Variants in TRIM67 observed in about 807,000 individuals in gnomAD.
TRIM67 encodes tripartite motif containing 67, also known as tripartite motif-containing protein 67.
Under a neutral mutation model 71.0 loss-of-function variants are expected in TRIM67, and 39 were observed. The observed-to-expected ratio is 0.55, with a 90% CI of 0.43 to 0.72. The LOEUF (loss-of-function observed/expected upper bound fraction) is 0.72. Among genes scored for constraint, TRIM67 ranks in the 30% least tolerant of loss-of-function variants. TRIM67 has a pLI of 0.00. For missense variants in TRIM67, 973 were observed against 1,079.2 expected, an observed-to-expected ratio of 0.90 and a Z score of 1.38; for synonymous variants, 481 against 473.9, an observed-to-expected ratio of 1.01 and a Z score of -0.19.
chr1:231,175,742 C>T (rs1294064000), intron 1 of TRIM67, among the ~76,000 whole-genome samples: 2 of 152,230 alleles, frequency 1.3e-5, no homozygotes, highest in Non-Finnish European at 2.9e-5. Context: ...CAGTGCCTCA[C>T]TTACAAGATG....
At chr1:231,179,345 C>G (rs1334357375) in intron 1 of TRIM67, among the ~76,000 whole-genome samples, 1 of 152,238 alleles carries the variant, frequency 6.6e-6, no homozygotes, top group Non-Finnish European at 1.5e-5. Flanking sequence ...AGAGCCCATT[C>G]TACTCCAGTG....
Position 231,199,070 on chromosome 1 carries a change from C to T in TRIM67, c.1164C>T (p.Ala388=), listed in dbSNP as rs1683450865. Residue 388 remains alanine (A), a synonymous_variant, in exon 3 of 10, where the codon GCC becomes GCT. Transcript: ENST00000366653. The stretch of plus-strand genomic sequence containing the variant: ...AGGAAAACGGACTGGACTACGAAGC[C>T]TGCCTCGTTGCTCAGTGTGATGCCC... ...QIQENGLDYE[A]CLVAQCDALV... 1.2e-6 allele frequency: 2 copies of T among 1,613,990 alleles called. No homozygotes were observed. Among genetic ancestry groups the T allele is most frequent in the Non-Finnish European group, 1.7e-6 (2 of 1,179,888 alleles).
Position 231,163,373 on chromosome 1 carries a change from C to T in TRIM67, c.404C>T (p.Pro135Leu). ...VRVLPMVPAPPGSSAAAARGA... is the reference protein window; with the variant it reads ...VRVLPMVPAPLGSSAAAARGA... ...GTGCTGCCCATGGTGCCCGCACCAC[C>T]CGGCTCCTCGGCTGCGGCGGCTCGG... is the stretch of plus-strand genomic sequence containing the variant. The change falls in exon 1 of 10, where the codon CCC (proline) becomes CTC (leucine). Residue 135 changes from proline (P) to leucine (L), a missense_variant. By Grantham distance (98) the Pro-to-Leu change is moderately conservative. Around this residue, in one of 2 missense-constraint regions of TRIM67, gnomAD observed 795 missense variants for 831.3 expected, o/e 0.96. Transcript: ENST00000366653. 6.5e-7 allele frequency: 1 copy of T among 1,535,686 alleles called. No individual in the cohort carries two copies.
chr1:231,199,328 G>A (rs1252338792), intron 3 of TRIM67, among the ~76,000 whole-genome samples, 159 bp downstream of exon 3: 5 of 152,150 alleles, frequency 3.3e-5, no homozygotes, highest in South Asian at 2.1e-4. Context: ...CAGCTGGTTC[G>A]GTTACATTCA....
At chr1:231,214,029 C>T in intron 9 of TRIM67, 52 bp downstream of exon 9, 1 of 1,545,392 alleles carries the variant, frequency 6.5e-7, no homozygotes, top group Non-Finnish European at 8.7e-7. Flanking sequence ...AACTGTTTGC[C>T]ACAGGTCTCT....
chr1:231,185,959 A>G, intron 1 of TRIM67: 1 of 799,814 alleles, frequency 1.3e-6, no homozygotes, highest in East Asian at 2.7e-5. Flanking sequence ...GACAGCCGGG[A>G]CAAGGGCTCA....
chr1:231,216,030 G>A lies in TRIM67; in HGVS notation c.*590G>A. On this transcript the variant is annotated 3_prime_UTR_variant, in exon 10 of 10. Transcript: ENST00000366653. The stretch of plus-strand genomic sequence containing the variant: ...ATAGAAAGGGACATTAATCATTCAT[G>A]CTTGACTTTTGCCTCTCTCACTGAA... 1.0e-6 allele frequency: 1 copy of A among 985,500 alleles called. No homozygotes were observed. Among genetic ancestry groups the A allele is most frequent in the Non-Finnish European group, 1.2e-6 (1 of 829,998 alleles). 61.0% of individuals were successfully genotyped at this position (985,500 alleles called of 1,614,324 possible).
chr1:231,200,112 A>G (rs769245428), intron 3 of TRIM67, 36 bp from the exon 4 acceptor site: 9 of 1,518,562 alleles, frequency 5.9e-6, no homozygotes, highest in Non-Finnish European at 8.2e-6. Flanking sequence ...TCTTCCTCTC[A>G]TGAGACAGTT....
At chr1:231,180,320 T>TAC (rs753677529) in intron 1 of TRIM67, among the ~76,000 whole-genome samples, 1 of 152,348 alleles carries the variant, frequency 6.6e-6, no homozygotes, top group Non-Finnish European at 1.5e-5. Context: ...TTCTTGTATA[T>TAC]ACATCTTTGC....
chr1:231,211,247 G>C (rs1683861749), intron 8 of TRIM67, among the ~76,000 whole-genome samples: 1 of 151,980 alleles, frequency 6.6e-6, no homozygotes, highest in South Asian at 2.1e-4. Context: ...CACTTCTTGG[G>C]CCTTTGCTGT....
chr1:231,181,689 A>T (rs1425397402), intron 1 of TRIM67, among the ~76,000 whole-genome samples: 1 of 151,790 alleles, frequency 6.6e-6, no homozygotes, highest in South Asian at 2.1e-4. Context: ...TTTAGACTTG[A>T]TTTTTTTTCG....
Position 231,209,188 on chromosome 1 carries a change from C to T in TRIM67, c.2061C>T (p.Ala687=). ...KDMMLGKDDK[A]WAMYVDNNRS... The stretch of plus-strand genomic sequence containing the variant: ...TGATGCTGGGCAAGGATGACAAGGC[C>T]TGGGCCATGTATGTGGACAACAACC... Residue 687 remains alanine, a synonymous_variant, in exon 8 of 10, where the codon GCC becomes GCT. Coordinates refer to ENST00000366653, the MANE Select transcript of TRIM67 (RefSeq NM_001004342.5). The surrounding 1 kb of genome is among the most constrained non-coding windows in gnomAD (Gnocchi z 4.1). 6.2e-7 allele frequency: 1 copy of T among 1,606,336 alleles called. No individual in the cohort carries two copies. Among genetic ancestry groups the T allele is most frequent in the South Asian group, 1.1e-5 (1 of 90,542 alleles).
chr1:231,203,038 G>A (rs1244920795), intron 5 of TRIM67, among the ~76,000 whole-genome samples: 6 of 152,158 alleles, frequency 3.9e-5, no homozygotes, highest in East Asian at 1.9e-4. Flanking sequence ...CTACCAGCTC[G>A]TTAACTGAGG....
intron 1 of TRIM67, among the ~76,000 whole-genome samples, chr1:231,193,808 C>T (rs1683299074): frequency 6.6e-6 from 1 of 152,110 alleles, no homozygotes; most frequent in Non-Finnish European, 1.5e-5. Context: ...AGCTGCCAGG[C>T]TCTGTTTAAC....
rs1684053261 is a variant in TRIM67 at position 231,217,803 on chromosome 1, G to A, written c.*2363G>A. On this transcript the variant is annotated 3_prime_UTR_variant, in exon 10 of 10. Transcript: ENST00000366653. ...GGGCTACCCTGAACCTAACCCCTTT[G>A]AGGGAGCAGCATCCAGGTCAGGAGA... The A allele has an allele frequency of 2.3e-6, 3 of 1,289,218 alleles. No homozygotes were observed. In the South Asian group the frequency reaches 3.7e-5, roughly 16 times the overall value. 79.9% of individuals were successfully genotyped at this position (1,289,218 alleles called of 1,614,324 possible). A position where few individuals can be genotyped will look rare whatever the true frequency, so the allele number is the denominator to read the frequency against.
At chr1:231,202,071 G>GAGGTGGAGGAGGTGGAAA (rs1683545174) in intron 5 of TRIM67, among the ~76,000 whole-genome samples, 1 of 123,168 alleles carries the variant, frequency 8.1e-6, no homozygotes, top group Non-Finnish European at 1.6e-5. Flanking sequence ...GGAGATGGAG[G>GAGGTGGAGGAGGTGGAAA]AGGAGGAGGT....
intron 1 of TRIM67, among the ~76,000 whole-genome samples, chr1:231,168,517 G>C (rs1682539456): frequency 6.6e-6 from 1 of 152,116 alleles, no homozygotes. Flanking sequence ...CTTTCATAAA[G>C]ATGACACCTA....
chr1:231,200,198 C>T lies in TRIM67; in HGVS notation c.1314C>T (p.Thr438=), dbSNP rs370010177. 2.4e-5 allele frequency: 38 copies of T among 1,613,748 alleles called. No individual in the cohort carries two copies. The highest frequency in any genetic ancestry group is 4.5e-5 in the East Asian group (2 of 44,888). The stretch of plus-strand genomic sequence containing the variant: ...GCACATTGAAGCTGCGTCAGTCCAC[C>T]GGACTGATGGAGTACTGCCTGGAGG... ...NHCTLKLRQS[T]GLMEYCLEVI... Residue 438 remains threonine (T), a synonymous_variant, in exon 4 of 10, where the codon ACC becomes ACT. Coordinates refer to ENST00000366653, the MANE Select transcript of TRIM67 (RefSeq NM_001004342.5).
Position 231,209,120 on chromosome 1 carries a change from G to T in TRIM67, c.1993G>T (p.Asp665Tyr), listed in dbSNP as rs896338989. The change falls in exon 8 of 10, where the codon GAC (aspartate) becomes TAC (tyrosine). Residue 665 changes from aspartate (D) to tyrosine (Y), a missense_variant. Asp to Tyr is a radical substitution (Grantham distance 160). Transcript: ENST00000366653. This position sits in a 1 kb window ranked among gnomAD's most constrained non-coding sequence, Gnocchi z 4.1. ...CGTGGACCGGTACGACAACCACCCA[G>T]ACCCCGCCTTCGGGGTGGCCAGGGC... The part of the protein sequence containing the change: ...LHVDRYDNHP[D>Y]PAFGVARASV... The T allele has an allele frequency of 6.2e-7, 1 of 1,614,040 alleles. No individual in the cohort carries two copies. Among genetic ancestry groups the T allele is most frequent in the Admixed American group, 1.7e-5 (1 of 60,028 alleles).
Sources: allele counts gnomAD v4.1 joint callset (sites outside exome capture counted in the v4.1 genomes callset), GRCh38; gene constraint gnomAD v4.1.1; regional missense constraint gnomAD v4.1.1; non-coding constraint Gnocchi (gnomAD v3.1); transcripts MANE v1.5; gene names NCBI Gene and HGNC (gene_info 2026-07-23, HGNC 2026-07-21).